The following PDGFD variants were observed in gnomAD, a reference collection of about 807,000 sequenced individuals.
PDGFD encodes platelet derived growth factor D, also known as platelet-derived growth factor D.
Under a neutral mutation model 44.7 loss-of-function variants are expected in PDGFD, and 30 were observed. The observed-to-expected ratio is 0.67, with a 90% CI of 0.50 to 0.91. The LOEUF is 0.91. Among genes scored for constraint, PDGFD ranks in the 40% least tolerant of loss-of-function variants. The pLI is 0.00. For missense variants in PDGFD, 445 were observed against 457.8 expected (o/e 0.97, Z 0.25); for synonymous variants, 173 against 168.4 (o/e 1.03, Z -0.21).
intron 3 of PDGFD, among the ~76,000 whole-genome samples, chr11:103,980,887 C>T (rs541780840): frequency 5.1e-4 from 77 of 152,140 alleles, no homozygotes; most frequent in Non-Finnish European, 7.9e-4. Context: ...GCACCTTGAT[C>T]TCAGACTCTC....
At chr11:104,132,615 G>A (rs144530935) in intron 1 of PDGFD, among the ~76,000 whole-genome samples, 10 of 152,208 alleles carry the variant, frequency 6.6e-5, no homozygotes, top group Admixed American at 3.3e-4. Context: ...TAGAAAGGAA[G>A]TAGACTAATG....
At chr11:104,073,314 T>C (rs542514509) in intron 1 of PDGFD, among the ~76,000 whole-genome samples, 2 of 152,220 alleles carry the variant, frequency 1.3e-5, no homozygotes, top group South Asian at 4.1e-4. Context: ...CATAAATAAA[T>C]AGGATTTCAG....
chr11:103,996,274 T>C, intron 2 of PDGFD, 29 bp from the exon 3 acceptor site: 1 of 1,565,084 alleles, frequency 6.4e-7, no homozygotes, highest in Non-Finnish European at 8.7e-7. Context: ...AATGAACAAG[T>C]TTTGATTAAA....
chr11:104,063,788 TG>T (rs1372004639), intron 1 of PDGFD, among the ~76,000 whole-genome samples: 3 of 152,110 alleles, frequency 2.0e-5, no homozygotes, highest in African/African-American at 7.2e-5. Context: ...GAGAACAGTG[TG>T]GGGAACTCTG....
Position 103,971,914 on chromosome 11 carries a change from A to C in PDGFD, c.510+24151T>G, listed in dbSNP as rs114725211. Among the ~76,000 whole-genome samples, 475 of 152,302 alleles carry C rather than the reference A, an allele frequency of 3.1e-3. 1 individual carries two copies. Among genetic ancestry groups the C allele is most frequent in the African/African-American group, 0.01 (436 of 41,574 alleles). On this transcript the variant is annotated intron_variant, in intron 3 of 6. Transcript: ENST00000393158. ...ATTACACAGCATAAAGCATCCTTAC[A>C]GTGAATCCTGAGGGAGGATTATAGA...
intron 1 of PDGFD, among the ~76,000 whole-genome samples, chr11:104,101,934 G>C (rs1861388964): frequency 6.6e-6 from 1 of 152,048 alleles, no homozygotes; most frequent in African/African-American, 2.4e-5. Flanking sequence ...ATTCAAGATG[G>C]ATTAAAGACT....
intron 3 of PDGFD, among the ~76,000 whole-genome samples, chr11:103,952,989 C>T (rs191739136): frequency 3.9e-5 from 6 of 151,916 alleles, no homozygotes; most frequent in Non-Finnish European, 7.4e-5. Flanking sequence ...GTTACAGACT[C>T]GAAAGTTAGG....
At chr11:104,108,624 A>G (rs1439024160) in intron 1 of PDGFD, among the ~76,000 whole-genome samples, 2 of 152,216 alleles carry the variant, frequency 1.3e-5, no homozygotes, top group Non-Finnish European at 2.9e-5. Context: ...TAGTTCAACC[A>G]CTGTAGAAGA....
At chr11:104,100,113 G>A (rs188177599) in intron 1 of PDGFD, among the ~76,000 whole-genome samples, 13 of 152,188 alleles carry the variant, frequency 8.5e-5, no homozygotes, top group Admixed American at 3.3e-4. Context: ...TTTCCCTTAA[G>A]CATTTCCACC....
Position 104,000,225 on chromosome 11 carries a change from C to A in PDGFD, c.155G>T (p.Arg52Ile). ...TCCTTTCACCTGGATGGTCTCATCT[C>A]TTCGGTACAAGTCTGTGAGGTGATT... is the stretch of plus-strand genomic sequence containing the variant. ...ESNHLTDLYR[R>I]DETIQVKGNG... is the part of the protein sequence containing the mutation. Residue 52 changes from arginine to isoleucine, a missense_variant, in exon 2 of 7, where the codon AGA becomes ATA. Transcript: ENST00000393158. The A allele has an allele frequency of 6.2e-7, 1 of 1,614,022 alleles. No individual in the cohort carries two copies. The highest frequency in any genetic ancestry group is 1.3e-5 in the African/African-American group (1 of 75,028).
At chr11:103,942,433 C>T (rs1301127225) in intron 5 of PDGFD, among the ~76,000 whole-genome samples, 2 of 151,950 alleles carry the variant, frequency 1.3e-5, no homozygotes, top group Non-Finnish European at 2.9e-5. Context: ...GATGTAAGAC[C>T]TGGATATTTA....
intron 2 of PDGFD, among the ~76,000 whole-genome samples, chr11:103,999,757 C>T (rs1859591046): frequency 6.6e-6 from 1 of 152,182 alleles, no homozygotes; most frequent in South Asian, 2.1e-4. Context: ...TGCATAAATG[C>T]TGCTCTGTGC....
chr11:103,919,916 T>A (rs1858187130), intron 6 of PDGFD, among the ~76,000 whole-genome samples: 2 of 152,158 alleles, frequency 1.3e-5, no homozygotes, highest in African/African-American at 4.8e-5. Flanking sequence ...ATAAAAAATG[T>A]ACACAGAGTC....
At chr11:104,026,703 G>T (rs1408841349) in intron 1 of PDGFD, among the ~76,000 whole-genome samples, 1 of 152,148 alleles carries the variant, frequency 6.6e-6, no homozygotes, top group Non-Finnish European at 1.5e-5. Flanking sequence ...ACAATGTCCA[G>T]TCCAAATGAC....
At chr11:103,971,657 T>C (rs1859104743) in intron 3 of PDGFD, among the ~76,000 whole-genome samples, 1 of 152,228 alleles carries the variant, frequency 6.6e-6, no homozygotes, top group African/African-American at 2.4e-5. Flanking sequence ...AAATTTATTA[T>C]AGATTTCAAA....
At chr11:103,982,881 AAGG>A (rs1859293743) in intron 3 of PDGFD, among the ~76,000 whole-genome samples, 1 of 151,314 alleles carries the variant, frequency 6.6e-6, no homozygotes, top group Non-Finnish European at 1.5e-5. Flanking sequence ...AGATCCCTAC[AAGG>A]AGAACTACAA....
intron 6 of PDGFD, among the ~76,000 whole-genome samples, chr11:103,912,681 T>G (rs112513405): frequency 0.057 from 8,639 of 152,092 alleles, 320 homozygotes; most frequent in Non-Finnish European, 0.081. Context: ...AGACACAGAC[T>G]GGCAAATTGG....
At chr11:103,998,570 C>A (rs948730609) in intron 2 of PDGFD, among the ~76,000 whole-genome samples, 1 of 152,172 alleles carries the variant, frequency 6.6e-6, no homozygotes. Context: ...TCAGTTGCAT[C>A]CTCTATAATA....
chr11:103,908,701 T>C lies in PDGFD; in HGVS notation c.*993A>G, dbSNP rs886890256. 1 of 152,176 alleles carries C rather than the reference T, an allele frequency of 6.6e-6. No homozygotes were observed. Among genetic ancestry groups the C allele is most frequent in the African/African-American group, 2.4e-5 (1 of 41,442 alleles). 9.4% of individuals were successfully genotyped at this position (152,176 alleles called of 1,614,324 possible). On this transcript the variant is annotated 3_prime_UTR_variant, in exon 7 of 7. Transcript: ENST00000393158. ...TGGAGAGTTCGAATCCATTATTAGA[T>C]ATGGATCCTATCAAATATCCCACCT...
Sources: gnomAD v4.1 joint callset for allele counts (sites outside exome capture counted in the v4.1 genomes callset) on GRCh38, gnomAD v4.1.1 for gene constraint, MANE v1.5 for transcripts, NCBI Gene and HGNC (gene_info 2026-07-23, HGNC 2026-07-21) for gene names.